The following KAZN variants were observed in gnomAD, a reference collection of about 807,000 sequenced individuals.
The protein encoded by KAZN is kazrin, periplakin interacting protein.
KAZN carries 40 observed loss-of-function variants against 87.4 expected under a neutral mutation model. That is an observed-to-expected ratio of 0.46 (90% CI 0.36 to 0.60). The LOEUF is 0.60. KAZN is among the 20% of genes least tolerant of loss of function. The pLI, the probability that KAZN is intolerant of heterozygous loss-of-function variation, is 0.00. For synonymous variants in KAZN, 466 were observed against 458.3 expected (o/e 1.02, Z -0.22); for missense variants, 898 against 1,073.9 (o/e 0.84, Z 2.29).
At chr1:14,171,759 T>C (rs1339371) in intron 1 of KAZN, among the ~76,000 whole-genome samples, 18,688 of 152,164 alleles carry the variant, frequency 0.12, 1,276 homozygotes, top group East Asian at 0.33. Flanking sequence ...TCTATAAAAA[T>C]GTATAATAGC....
intron 1 of KAZN, among the ~76,000 whole-genome samples, chr1:14,124,916 GA>G (rs1644831407): frequency 2.0e-5 from 3 of 152,192 alleles, no homozygotes; most frequent in African/African-American, 7.2e-5. Flanking sequence ...GAGAGAGGGA[GA>G]CACAGCAAAC....
intron 1 of KAZN, among the ~76,000 whole-genome samples, chr1:14,620,641 G>C (rs1236160992): frequency 6.6e-6 from 1 of 152,136 alleles, no homozygotes; most frequent in African/African-American, 2.4e-5. Flanking sequence ...AGTTTGTAGG[G>C]TGGCAGAGCC....
chr1:14,493,007 G>A (rs1286520560), intron 2 of KAZN, among the ~76,000 whole-genome samples: 1 of 19,456 alleles, frequency 5.1e-5, no homozygotes, highest in East Asian at 5.8e-4. Flanking sequence ...CCCTCTGCCT[G>A]GACATTCTTC....
chr1:14,804,055 A>G (rs1413379360), intron 1 of KAZN, among the ~76,000 whole-genome samples: 1 of 152,190 alleles, frequency 6.6e-6, no homozygotes, highest in Non-Finnish European at 1.5e-5. Flanking sequence ...AATGCCTGCC[A>G]GCTCCTGGCC....
At chr1:14,852,877 A>T (rs61773568) in intron 1 of KAZN, among the ~76,000 whole-genome samples, 7,742 of 152,304 alleles carry the variant, frequency 0.051, 302 homozygotes, top group Admixed American at 0.087. Context: ...TTGGAAATGC[A>T]CATTCTCAGA....
chr1:14,569,424 G>A (rs941037746), intron 2 of KAZN, among the ~76,000 whole-genome samples: 9 of 141,442 alleles, frequency 6.4e-5, no homozygotes, highest in Admixed American at 1.5e-4. Context: ...CCAGGTTCAC[G>A]CCATTCTCCT....
chr1:14,225,265 G>A (rs1251494452), intron 2 of KAZN, among the ~76,000 whole-genome samples: 1 of 152,088 alleles, frequency 6.6e-6, no homozygotes, highest in Non-Finnish European at 1.5e-5. Context: ...CATCCAAGCT[G>A]AGAGTCAAAT....
chr1:14,520,429 A>G (rs74057809), intron 2 of KAZN, among the ~76,000 whole-genome samples: 2,350 of 152,254 alleles, frequency 0.015, 70 homozygotes, highest in African/African-American at 0.053. Flanking sequence ...AAGCTGCAGG[A>G]GCCTGGGGGA....
intron 2 of KAZN, among the ~76,000 whole-genome samples, chr1:14,983,910 C>G (rs1048963656): frequency 2.0e-5 from 3 of 151,944 alleles, no homozygotes; most frequent in Admixed American, 6.6e-5. Context: ...CCATTGCACT[C>G]CAGCCTGGGC....
chr1:14,138,939 T>G (rs1376610796), intron 1 of KAZN, among the ~76,000 whole-genome samples: 1 of 152,174 alleles, frequency 6.6e-6, no homozygotes, highest in African/African-American at 2.4e-5. Flanking sequence ...ATACAAATTG[T>G]GCCAGGGCCG....
At chr1:14,219,471 G>T (rs1465144315) in intron 2 of KAZN, among the ~76,000 whole-genome samples, 1 of 152,012 alleles carries the variant, frequency 6.6e-6, no homozygotes, top group Non-Finnish European at 1.5e-5. Context: ...CATATATAAT[G>T]TACCTTTTTA....
At chr1:13,893,679 T>A (rs1160133198) in exon 1 of KAZN, 1 of 1,550,340 alleles carries the variant, frequency 6.5e-7, no homozygotes, top group Non-Finnish European at 8.7e-7. Context: ...GAATCCACGC[T>A]GGCGACATCC....
Position 14,225,151 on chromosome 1 carries a change from CCA to C in KAZN, c.249+44560_249+44561del, listed in dbSNP as rs534202864. Among the ~76,000 whole-genome samples the C allele has an allele frequency of 1.4e-4, 21 of 152,140 alleles. No individual in the cohort carries two copies. In the East Asian group the frequency reaches 4.1e-3, roughly 29 times the overall value. Reference sequence around the variant, plus strand: ...AATATAATTTTACACCTAGAAAACCCCAGTCTTTGCTAAAAAGCTCCTAGATC... The same window carrying C: ...AATATAATTTTACACCTAGAAAACCCGTCTTTGCTAAAAAGCTCCTAGATC... On this transcript the variant is annotated intron_variant, in intron 2 of 16. Transcript: ENST00000636203.
At chr1:14,404,161 G>A (rs761256343) in intron 2 of KAZN, among the ~76,000 whole-genome samples, 16 of 152,108 alleles carry the variant, frequency 1.1e-4, no homozygotes, top group East Asian at 1.9e-4. Context: ...ATGCAGATGG[G>A]TTATCTACCT....
At chr1:14,690,602 C>CT (rs1641233448) in intron 1 of KAZN, among the ~76,000 whole-genome samples, 1 of 152,006 alleles carries the variant, frequency 6.6e-6, no homozygotes, top group South Asian at 2.1e-4. Flanking sequence ...AGATCACATT[C>CT]TGCTTTGGGG....
chr1:14,112,033 C>CA (rs1245531395), intron 1 of KAZN, among the ~76,000 whole-genome samples: 2 of 152,152 alleles, frequency 1.3e-5, no homozygotes, highest in African/African-American at 4.8e-5. Flanking sequence ...CCACCACGCT[C>CA]AGCCCCTTTG....
intron 2 of KAZN, among the ~76,000 whole-genome samples, chr1:14,427,584 T>C (rs1665807751): frequency 7.0e-6 from 1 of 141,964 alleles, no homozygotes; most frequent in African/African-American, 2.5e-5. Context: ...TGTGTACACA[T>C]ATGTGTATAC....
chr1:14,255,844 A>C (rs1402889523), intron 2 of KAZN, among the ~76,000 whole-genome samples: 3 of 152,182 alleles, frequency 2.0e-5, no homozygotes, highest in Non-Finnish European at 4.4e-5. Context: ...GTGGTGAGCA[A>C]AGTAACAATT....
chr1:15,082,173 A>G (rs1196899296), intron 8 of KAZN, among the ~76,000 whole-genome samples: 1 of 128,576 alleles, frequency 7.8e-6, no homozygotes, highest in Non-Finnish European at 1.8e-5. Flanking sequence ...CAGCCCCCCT[A>G]TCTGAGGTCT....
Sources: allele counts gnomAD v4.1 joint callset (sites outside exome capture counted in the v4.1 genomes callset), GRCh38; gene constraint gnomAD v4.1.1; transcripts MANE v1.5; gene names NCBI Gene and HGNC (gene_info 2026-07-23, HGNC 2026-07-21).